The following FAP variants were observed in gnomAD, a reference collection of about 807,000 sequenced individuals.
FAP encodes prolyl endopeptidase FAP.
FAP carries 110 observed loss-of-function variants against 126.5 expected under a neutral mutation model. The ratio of observed to expected loss-of-function variants is 0.87; its 90% CI spans 0.74 to 1.02. The LOEUF (loss-of-function observed/expected upper bound fraction) is 1.02, where lower values mean the gene tolerates loss of function less well. Among genes scored for constraint, FAP ranks in the 50% least tolerant of loss-of-function variants. The pLI, the probability that FAP is intolerant of heterozygous loss-of-function variation, is 0.00. For missense variants in FAP, 919 were observed against 909.2 expected, an observed-to-expected ratio of 1.01 and a Z score of -0.14; for synonymous variants, 334 against 297.3, an observed-to-expected ratio of 1.12 and a Z score of -1.27.
chr2:162,184,749 G>T (rs1320564468), intron 20 of FAP, among the ~76,000 whole-genome samples: 1 of 151,938 alleles, frequency 6.6e-6, no homozygotes, highest in African/African-American at 2.4e-5. Context: ...TCAAATGAAA[G>T]AAGAGAAGGT....
chr2:162,192,461 C>G (rs79475499), intron 17 of FAP, among the ~76,000 whole-genome samples: 2 of 152,028 alleles, frequency 1.3e-5, no homozygotes, highest in Non-Finnish European at 2.9e-5. Flanking sequence ...TCTCCAGGCT[C>G]ATTTTTCTCC....
intron 20 of FAP, among the ~76,000 whole-genome samples, chr2:162,187,936 G>C (rs757462194): frequency 6.6e-6 from 1 of 152,042 alleles, no homozygotes; most frequent in African/African-American, 2.4e-5. Flanking sequence ...CATCAAAAGA[G>C]GGTATTTGTC....
At chr2:162,240,807 C>A (rs988958558) in intron 2 of FAP, among the ~76,000 whole-genome samples, 2 of 152,180 alleles carry the variant, frequency 1.3e-5, no homozygotes, top group Non-Finnish European at 2.9e-5. Context: ...CTTTTTACCC[C>A]TTCCTCCTTC....
chr2:162,240,275 T>A (rs1690293718), intron 2 of FAP, among the ~76,000 whole-genome samples: 1 of 152,260 alleles, frequency 6.6e-6, no homozygotes, highest in Non-Finnish European at 1.5e-5. Context: ...AGTTAATATT[T>A]TGTAAGTGAG....
intron 2 of FAP, among the ~76,000 whole-genome samples, chr2:162,237,499 T>C (rs1472221094): frequency 2.0e-5 from 3 of 152,216 alleles, no homozygotes; most frequent in Admixed American, 2.0e-4. Context: ...GTTAGTTTGC[T>C]GAGAATGATG....
chr2:162,238,870 A>T (rs1000809113), intron 2 of FAP, among the ~76,000 whole-genome samples: 3 of 152,198 alleles, frequency 2.0e-5, no homozygotes, highest in African/African-American at 7.2e-5. Flanking sequence ...TTCTGACTAA[A>T]ATTCAGACTT....
chr2:162,177,554 C>G (rs1022266418), intron 21 of FAP, among the ~76,000 whole-genome samples: 1 of 152,132 alleles, frequency 6.6e-6, no homozygotes, highest in Non-Finnish European at 1.5e-5. Flanking sequence ...ACTGGCATGC[C>G]TCACTTCCTC....
chr2:162,189,425 G>A (rs556635996), intron 18 of FAP, among the ~76,000 whole-genome samples: 9 of 151,726 alleles, frequency 5.9e-5, no homozygotes, highest in East Asian at 1.9e-4. Context: ...TTAAAAAAAC[G>A]TCAGTGTGGA....
At chr2:162,195,864 C>T (rs115049402) in intron 16 of FAP, among the ~76,000 whole-genome samples, 3 of 152,074 alleles carry the variant, frequency 2.0e-5, no homozygotes, top group African/African-American at 4.8e-5. Flanking sequence ...CCACCCCACC[C>T]CCCCCAGATA....
intron 14 of FAP, among the ~76,000 whole-genome samples, chr2:162,202,092 G>T (rs1688521470): frequency 6.6e-6 from 1 of 152,250 alleles, no homozygotes; most frequent in African/African-American, 2.4e-5. Context: ...TAGAATTTCA[G>T]CTAATAGCTG....
chr2:162,225,661 C>T (rs1576189934), intron 3 of FAP, 84 bp from the exon 4 acceptor site: 2 of 1,370,058 alleles, frequency 1.5e-6, no homozygotes, highest in South Asian at 1.5e-5. Context: ...CTCTATTTCA[C>T]AGACCTACTT....
In FAP at chr2:162,173,803, G is replaced by A; in HGVS notation, c.1970-16C>T. 5.9e-6 allele frequency: 9 copies of A among 1,517,994 alleles called. No homozygotes were observed. The highest frequency in any genetic ancestry group is 8.2e-6 in the Non-Finnish European group (9 of 1,094,296). 94.0% of individuals were successfully genotyped at this position (1,517,994 alleles called of 1,614,324 possible). ...TAGACAGACGCTATAAAATATATGA[G>A]AATATGCATTGTTTGCATGTGATGA... On this transcript the variant is annotated splice_polypyrimidine_tract_variant and intron_variant, in intron 22 of 25. Coordinates refer to ENST00000188790, the MANE Select transcript of FAP (RefSeq NM_004460.5).
At chr2:162,235,912 T>G (rs1369783891) in intron 2 of FAP, among the ~76,000 whole-genome samples, 5 of 152,202 alleles carry the variant, frequency 3.3e-5, no homozygotes, top group Non-Finnish European at 7.3e-5. Flanking sequence ...CAGTGTGACA[T>G]TAGCTTTCAT....
At chr2:162,220,424 T>C (rs1689341213) in intron 6 of FAP, among the ~76,000 whole-genome samples, 1 of 152,212 alleles carries the variant, frequency 6.6e-6, no homozygotes, top group African/African-American at 2.4e-5. Context: ...AATTCTATAA[T>C]TGTGCTGAAG....
intron 12 of FAP, chr2:162,209,738 G>A: frequency 1.9e-6 from 1 of 522,802 alleles, no homozygotes; most frequent in Admixed American, 3.5e-5. Context: ...TGGGACATGA[G>A]GAGTATGAGT....
At chr2:162,179,792 A>ATCAATC (rs1375172893) in intron 21 of FAP, among the ~76,000 whole-genome samples, 1,425 of 96,660 alleles carry the variant, frequency 0.015, 6 homozygotes, top group Non-Finnish European at 0.02. Context: ...CTATCTATCT[A>ATCAATC]TATATATATA....
intron 2 of FAP, among the ~76,000 whole-genome samples, chr2:162,236,256 T>A (rs935232010): frequency 4.6e-5 from 7 of 152,196 alleles, no homozygotes; most frequent in African/African-American, 1.7e-4. Flanking sequence ...TACCGATTTA[T>A]AATTTTCTCT....
Position 162,173,797 on chromosome 2 carries a change from A to G in FAP, c.1970-10T>C. 2.0e-6 allele frequency: 3 copies of G among 1,532,940 alleles called. No individual in the cohort carries two copies. Among genetic ancestry groups the G allele is most frequent in the Non-Finnish European group, 2.7e-6 (3 of 1,107,146 alleles). The allele number at this position is 1,532,940 out of a possible 1,614,324, so 95.0% of individuals were successfully genotyped here. A position where few individuals can be genotyped will look rare whatever the true frequency, so the allele number is the denominator to read the frequency against. ...TCTGTGTAGACAGACGCTATAAAATATATGAGAATATGCATTGTTTGCATG... is the reference window on the plus strand; with the variant it reads ...TCTGTGTAGACAGACGCTATAAAATGTATGAGAATATGCATTGTTTGCATG... On this transcript the variant is annotated splice_polypyrimidine_tract_variant and intron_variant, in intron 22 of 25. Coordinates refer to ENST00000188790, the MANE Select transcript of FAP (RefSeq NM_004460.5).
chr2:162,215,427 C>A (rs1216092692), intron 10 of FAP, among the ~76,000 whole-genome samples: 1 of 152,192 alleles, frequency 6.6e-6, no homozygotes, highest in Non-Finnish European at 1.5e-5. Flanking sequence ...CACGTCCCTG[C>A]CTGCCTACAG....
Sources: allele counts gnomAD v4.1 joint callset (sites outside exome capture counted in the v4.1 genomes callset), GRCh38; gene constraint gnomAD v4.1.1; transcripts MANE v1.5; gene names NCBI Gene and HGNC (gene_info 2026-07-23, HGNC 2026-07-21).